Variants in CERS3 observed in about 807,000 individuals in gnomAD.
CERS3 encodes the protein ceramide synthase 3.
CERS3 carries 33 observed loss-of-function variants against 50.3 expected under a neutral mutation model. That is an observed-to-expected ratio of 0.66 (90% CI 0.50 to 0.88). The LOEUF (loss-of-function observed/expected upper bound fraction) is 0.88. Among genes scored for constraint, CERS3 ranks in the 40% least tolerant of loss-of-function variants. CERS3 has a pLI of 0.00. For missense variants in CERS3, 470 were observed against 460.3 expected, an observed-to-expected ratio of 1.02 and a Z score of -0.19; for synonymous variants, 176 against 155.2, an observed-to-expected ratio of 1.13 and a Z score of -0.99.
intron 5 of CERS3, among the ~76,000 whole-genome samples, chr15:100,481,506 C>A (rs538451039): frequency 2.0e-5 from 3 of 152,256 alleles, no homozygotes; most frequent in Non-Finnish European, 2.9e-5. Context: ...GGCCAGCCAA[C>A]CCACAAATGA....
At chr15:100,447,605 G>A (rs1332260047) in intron 11 of CERS3, among the ~76,000 whole-genome samples, 3 of 152,224 alleles carry the variant, frequency 2.0e-5, no homozygotes, top group African/African-American at 7.2e-5. Context: ...GGTAGGTTAT[G>A]ATTTTAAGAC....
chr15:100,415,487 T>C (rs543633336), intron 11 of CERS3, among the ~76,000 whole-genome samples: 1 of 152,324 alleles, frequency 6.6e-6, no homozygotes, highest in South Asian at 2.1e-4. Flanking sequence ...TAAAGACACA[T>C]GCACATGTAT....
At chr15:100,438,035 A>ATT (rs2033507410) in intron 11 of CERS3, 1 of 82,664 alleles carries the variant, frequency 1.2e-5, no homozygotes, top group Non-Finnish European at 2.5e-5. Flanking sequence ...TTATGTACCC[A>ATT]CTTTTTTTTT....
chr15:100,441,470 C>T (rs2033680512), intron 11 of CERS3, among the ~76,000 whole-genome samples: 2 of 151,826 alleles, frequency 1.3e-5, no homozygotes, highest in Non-Finnish European at 2.9e-5. Flanking sequence ...GGTAAAAACA[C>T]CCGAACCCCT....
chr15:100,451,682 G>A (rs757886031), intron 11 of CERS3, among the ~76,000 whole-genome samples: 5 of 151,696 alleles, frequency 3.3e-5, no homozygotes, highest in African/African-American at 9.7e-5. Flanking sequence ...ACTCTAGCCC[G>A]GGTGACAGAG....
chr15:100,472,898 T>C, intron 9 of CERS3, 26 bp downstream of exon 9: 1 of 1,613,582 alleles, frequency 6.2e-7, no homozygotes, highest in South Asian at 1.1e-5. Context: ...GGTATTGTCA[T>C]TAGTTTTTTA....
Position 100,456,026 on chromosome 15 carries a change from A to G in CERS3, c.866T>C (p.Ile289Thr). 1 of 1,609,530 alleles carries G rather than the reference A, an allele frequency of 6.2e-7. No individual in the cohort carries two copies. Among genetic ancestry groups the G allele is most frequent in the Non-Finnish European group, 8.5e-7 (1 of 1,177,890 alleles). The change falls in exon 11 of 12, where the codon ATC (isoleucine) becomes ACC (threonine). Residue 289 changes from isoleucine (I) to threonine (T), a missense_variant. Ile to Thr is a moderately conservative substitution (Grantham distance 89). Coordinates refer to ENST00000679737, the MANE Select transcript of CERS3 (RefSeq NM_001378789.1). ...FPFWILYCTL[I>T]LPMYHLEPFF... ...AGGCTCGAGGTGATACATAGGCAAG[A>G]TCAGCGTGCAATATAAAATCCTGAA...
intron 11 of CERS3, among the ~76,000 whole-genome samples, chr15:100,454,387 C>CAA (rs59536958): frequency 0.18 from 19,791 of 111,340 alleles, 2,050 homozygotes; most frequent in South Asian, 0.32. Context: ...AAGGCATTGT[C>CAA]AAAAAAAAAA....
intron 9 of CERS3, among the ~76,000 whole-genome samples, chr15:100,471,890 C>A (rs911414157): frequency 2.6e-5 from 4 of 152,138 alleles, no homozygotes; most frequent in Non-Finnish European, 4.4e-5. Flanking sequence ...ATTACAGTCC[C>A]CCCATGGGCT....
chr15:100,446,989 C>T (rs1000439628), intron 11 of CERS3, among the ~76,000 whole-genome samples: 1 of 152,114 alleles, frequency 6.6e-6, no homozygotes, highest in Non-Finnish European at 1.5e-5. Flanking sequence ...AGATAGCAGC[C>T]CCTGAAAGAA....
At chr15:100,514,735 A>C (rs1318045567) in intron 2 of CERS3, among the ~76,000 whole-genome samples, 1 of 152,198 alleles carries the variant, frequency 6.6e-6, no homozygotes, top group East Asian at 1.9e-4. Context: ...TATGATAAAT[A>C]TGATCTCATT....
chr15:100,499,374 C>A (rs1171032707), intron 3 of CERS3, among the ~76,000 whole-genome samples: 3 of 152,040 alleles, frequency 2.0e-5, no homozygotes, highest in South Asian at 2.1e-4. Context: ...CACACACACA[C>A]AAAAACAAAA....
At position 100,439,248 on chromosome 15, in the gene CERS3, GA is replaced by G. The variant is rs368746729; in HGVS notation, c.999+16644del. Among the ~76,000 whole-genome samples, 679 of 152,182 alleles carry G rather than the reference GA, an allele frequency of 4.5e-3. 5 individuals are homozygous for G. The highest frequency in any genetic ancestry group is 0.015 in the African/African-American group (623 of 41,508). On this transcript the variant is annotated intron_variant, in intron 11 of 11. Coordinates refer to ENST00000679737, the MANE Select transcript of CERS3 (RefSeq NM_001378789.1). ...TCAAATGCAATGACCTTATTGTTTAGAAAAAATAAGATGTGACTATTACCAA... is the reference window on the plus strand; with the variant it reads ...TCAAATGCAATGACCTTATTGTTTAGAAAAATAAGATGTGACTATTACCAA...
At chr15:100,482,609 TTTA>T (rs61169562) in intron 5 of CERS3, among the ~76,000 whole-genome samples, 2,762 of 28,298 alleles carry the variant, frequency 0.098, 79 homozygotes, top group South Asian at 0.27. Context: ...ATTTTTTTTT[TTTA>T]AAAAAAAGGG....
In CERS3 at chr15:100,523,588, C is replaced by T. The variant is rs557361469; in HGVS notation, c.-91-1832G>A. On this transcript the variant is annotated intron_variant, in intron 1 of 11. Transcript: ENST00000679737. ...TGGTGGTGGGCGCCTGTAGTCCCAG[C>T]TCCTTGGGAGGCTGAGGCAGGAGAA... 7.7e-4 allele frequency among the ~76,000 whole-genome samples: 116 copies of T among 151,618 alleles called. 1 individual carries two copies. The highest frequency in any genetic ancestry group is 2.5e-3 in the African/African-American group (103 of 41,322).
chr15:100,448,599 C>A (rs1223203878), intron 11 of CERS3, among the ~76,000 whole-genome samples: 1 of 152,220 alleles, frequency 6.6e-6, no homozygotes, highest in African/African-American at 2.4e-5. Context: ...AGCTACAGCA[C>A]AGTGCCATTT....
chr15:100,508,215 C>A (rs936198215), intron 2 of CERS3, among the ~76,000 whole-genome samples: 1 of 152,132 alleles, frequency 6.6e-6, no homozygotes, highest in African/African-American at 2.4e-5. Context: ...TGACAGTGGG[C>A]ACTCATTTGC....
intron 11 of CERS3, among the ~76,000 whole-genome samples, chr15:100,450,410 C>G (rs2142180678): frequency 1.2e-5 from 1 of 86,072 alleles, no homozygotes. Context: ...CAGCAAGACT[C>G]TGTCTCAAAA....
chr15:100,458,584 T>A (rs1159479723), intron 10 of CERS3, among the ~76,000 whole-genome samples: 9 of 30,566 alleles, frequency 2.9e-4, no homozygotes, highest in African/African-American at 1.4e-4. Context: ...AGACTCCATC[T>A]CAAAAAAAAA....
Sources: gnomAD v4.1 joint callset for allele counts (sites outside exome capture counted in the v4.1 genomes callset) on GRCh38, gnomAD v4.1.1 for gene constraint, MANE v1.5 for transcripts, NCBI Gene and HGNC (gene_info 2026-07-23, HGNC 2026-07-21) for gene names.